MPZL1: variants seen among roughly 807,000 people sequenced by gnomAD.
MPZL1 encodes the protein myelin protein zero-like protein 1.
MPZL1 carries 16 observed loss-of-function variants against 29.3 expected under a neutral mutation model. The observed-to-expected ratio is 0.55, with a 90% CI of 0.37 to 0.83. MPZL1 has a LOEUF of 0.83. Ranked by LOEUF, MPZL1 falls within the 40% of genes least tolerant of loss-of-function variation. The pLI is 0.00. For synonymous variants in MPZL1, 143 were observed against 132.0 expected (o/e 1.08, Z -0.57); for missense variants, 279 against 332.9 (o/e 0.84, Z 1.26).
At chr1:167,749,316 T>C (rs1262151212) in intron 1 of MPZL1, among the ~76,000 whole-genome samples, 2 of 152,218 alleles carry the variant, frequency 1.3e-5, no homozygotes, top group Non-Finnish European at 2.9e-5. Flanking sequence ...TTTTACTCTT[T>C]TGTTGAATTG....
intron 5 of MPZL1, among the ~76,000 whole-genome samples, chr1:167,782,401 C>T (rs150110492): frequency 7.2e-5 from 11 of 152,270 alleles, no homozygotes; most frequent in African/African-American, 2.6e-4. Context: ...GCTATTTTCT[C>T]ATCTCATGGG....
At chr1:167,723,195 C>T (rs1660075960) in intron 1 of MPZL1, among the ~76,000 whole-genome samples, 3 of 152,200 alleles carry the variant, frequency 2.0e-5, no homozygotes, top group South Asian at 2.1e-4. Context: ...TAAGAAACCA[C>T]GTAGATTTTT....
At chr1:167,765,908 G>A (rs996176179) in intron 2 of MPZL1, 159 bp downstream of exon 2, 2 of 554,520 alleles carry the variant, frequency 3.6e-6, no homozygotes, top group East Asian at 3.5e-5. Context: ...GATAAAATAA[G>A]TTCAGCATCT....
chr1:167,763,511 A>AG (rs1553255679), intron 1 of MPZL1, among the ~76,000 whole-genome samples: 8 of 151,784 alleles, frequency 5.3e-5, no homozygotes, highest in African/African-American at 1.9e-4. Context: ...AAAAAAAAAA[A>AG]AAAGAAAGAA....
chr1:167,731,398 C>A (rs1660265649), intron 1 of MPZL1, among the ~76,000 whole-genome samples: 1 of 150,226 alleles, frequency 6.7e-6, no homozygotes, highest in African/African-American at 2.4e-5. Context: ...GATTGTGCTA[C>A]TGCACTTTTG....
At chr1:167,782,252 T>A (rs1661511835) in intron 5 of MPZL1, among the ~76,000 whole-genome samples, 1 of 152,214 alleles carries the variant, frequency 6.6e-6, no homozygotes, top group South Asian at 2.1e-4. Flanking sequence ...TGATAGTTCC[T>A]TATAACTTCA....
intron 1 of MPZL1, among the ~76,000 whole-genome samples, chr1:167,758,443 A>G (rs946310355): frequency 1.3e-5 from 2 of 152,152 alleles, no homozygotes; most frequent in Admixed American, 1.3e-4. Flanking sequence ...TAGGTCAGTC[A>G]TGTCAGGAAA....
At chr1:167,751,354 G>A (rs1660751503) in intron 1 of MPZL1, among the ~76,000 whole-genome samples, 1 of 152,158 alleles carries the variant, frequency 6.6e-6, no homozygotes, top group Non-Finnish European at 1.5e-5. Context: ...ATATAATCAT[G>A]TAGAATTACT....
intron 1 of MPZL1, among the ~76,000 whole-genome samples, chr1:167,739,307 A>ATAT (rs1013254974): frequency 2.6e-5 from 3 of 114,846 alleles, no homozygotes; most frequent in Non-Finnish European, 5.1e-5. Context: ...ATATATATAT[A>ATAT]TACACATATA....
intron 1 of MPZL1, among the ~76,000 whole-genome samples, chr1:167,745,224 C>A (rs1432580365): frequency 6.6e-6 from 1 of 152,006 alleles, no homozygotes; most frequent in Non-Finnish European, 1.5e-5. Context: ...ATTAGCTTGC[C>A]CTGAGGAAAG....
In MPZL1 at chr1:167,764,566, A is replaced by G. The variant is rs146031170; in HGVS notation, c.92-1017A>G. Among the ~76,000 whole-genome samples, 250 of 152,366 alleles carry G rather than the reference A, an allele frequency of 1.6e-3. 2 individuals carry two copies. Among genetic ancestry groups the G allele is most frequent in the African/African-American group, 5.7e-3 (236 of 41,584 alleles). On this transcript the variant is annotated intron_variant, in intron 1 of 5. Transcript: ENST00000359523. ...AAGAAAAGGATCAGTTAAATAATAA[A>G]TGTGGCTTTAAAATGAAGTTATATC...
chr1:167,754,845 G>A (rs935587267), intron 1 of MPZL1, among the ~76,000 whole-genome samples: 1 of 152,188 alleles, frequency 6.6e-6, no homozygotes, highest in Non-Finnish European at 1.5e-5. Flanking sequence ...GTAGGGGTGG[G>A]ACCCAGGCAT....
chr1:167,755,795 ATGTT>A (rs1660858266), intron 1 of MPZL1, among the ~76,000 whole-genome samples: 1 of 152,152 alleles, frequency 6.6e-6, no homozygotes. Flanking sequence ...CGCACTGTAG[ATGTT>A]TGTTTATTTG....
chr1:167,725,386 A>T (rs1424142372), intron 1 of MPZL1, among the ~76,000 whole-genome samples: 1 of 152,158 alleles, frequency 6.6e-6, no homozygotes, highest in African/African-American at 2.4e-5. Context: ...GATTCAAGTG[A>T]TTCTTCTTGT....
intron 5 of MPZL1, among the ~76,000 whole-genome samples, chr1:167,777,721 A>C (rs1231250723): frequency 3.3e-5 from 5 of 152,220 alleles, no homozygotes; most frequent in African/African-American, 1.2e-4. Context: ...AGTAGGTTGC[A>C]CAATGCCTGG....
intron 1 of MPZL1, among the ~76,000 whole-genome samples, chr1:167,742,087 G>A (rs1488844843): frequency 4.6e-5 from 7 of 151,312 alleles, no homozygotes; most frequent in Non-Finnish European, 1.5e-5. Flanking sequence ...GAGGTCAGGA[G>A]TTTGAGACCA....
At chr1:167,740,122 A>G (rs934581481) in intron 1 of MPZL1, among the ~76,000 whole-genome samples, 9 of 152,130 alleles carry the variant, frequency 5.9e-5, no homozygotes, top group African/African-American at 2.2e-4. Flanking sequence ...CTCTTTTTAC[A>G]TCCTTAAGCA....
chr1:167,763,993 G>GTTA (rs1390644817), intron 1 of MPZL1, among the ~76,000 whole-genome samples: 1 of 152,200 alleles, frequency 6.6e-6, no homozygotes, highest in African/African-American at 2.4e-5. Context: ...CCTTGGCTGA[G>GTTA]AGTCAGTTAA....
chr1:167,739,311 A>ATACATT (rs1660465706), intron 1 of MPZL1, among the ~76,000 whole-genome samples: 1 of 80,180 alleles, frequency 1.2e-5, no homozygotes, highest in African/African-American at 7.4e-5. Flanking sequence ...ATATATATAC[A>ATACATT]CATATATATA....
Sources: allele counts gnomAD v4.1 joint callset (sites outside exome capture counted in the v4.1 genomes callset), GRCh38; gene constraint gnomAD v4.1.1; transcripts MANE v1.5; gene names NCBI Gene and HGNC (gene_info 2026-07-23, HGNC 2026-07-21).